The following COL25A1 variants were observed in gnomAD, a reference collection of about 807,000 sequenced individuals.
COL25A1 encodes collagen type XXV alpha 1 chain.
A neutral mutation model predicts 128.4 loss-of-function variants in COL25A1; 103 were observed. The observed-to-expected ratio is 0.80, with a 90% CI of 0.68 to 0.94. The LOEUF is 0.94. COL25A1 is among the 40% of genes least tolerant of loss of function. The pLI, the probability that COL25A1 is intolerant of heterozygous loss-of-function variation, is 0.00. For synonymous variants in COL25A1, 279 were observed against 277.2 expected, an observed-to-expected ratio of 1.01 and a Z score of -0.06; for missense variants, 745 against 840.0, an observed-to-expected ratio of 0.89 and a Z score of 1.40.
Position 109,301,980 on chromosome 4 carries a change from C to G in COL25A1, c.40G>C (p.Glu14Gln), listed in dbSNP as rs1725602180. The G allele has an allele frequency of 6.2e-7, 1 of 1,606,788 alleles. No homozygotes were observed. The highest frequency in any genetic ancestry group is 8.5e-7 in the Non-Finnish European group (1 of 1,176,974). Residue 14 changes from glutamate to glutamine, a missense_variant, in exon 2 of 38, where the codon GAG becomes CAG. Physicochemically the swap from Glu to Gln is conservative, Grantham distance 29. This residue lies in a region of COL25A1 where 319 missense variants were observed against 324.9 expected (regional missense o/e 0.98). Coordinates refer to ENST00000399132, the MANE Select transcript of COL25A1 (RefSeq NM_198721.4). ...GGGGTCGGGTCCTCGGATCTGGGCT[C>G]CCGGCCCCCTCCTTTCCCTGCGTGC... ...KKHAGKGGGR[E>Q]PRSEDPTPAE... is the part of the protein sequence containing the mutation.
At chr4:109,053,322 C>A (rs1405077084) in intron 3 of COL25A1, among the ~76,000 whole-genome samples, 2 of 152,156 alleles carry the variant, frequency 1.3e-5, no homozygotes, top group Non-Finnish European at 2.9e-5. Context: ...TGACTATAAA[C>A]CCAACTCCAG....
chr4:109,228,013 T>C (rs1778918130), intron 3 of COL25A1, among the ~76,000 whole-genome samples: 1 of 152,158 alleles, frequency 6.6e-6, no homozygotes, highest in East Asian at 1.9e-4. Context: ...GTATAAGTCC[T>C]GGAGTCCAAA....
At chr4:108,967,212 CAT>C (rs1751412585) in intron 8 of COL25A1, among the ~76,000 whole-genome samples, 1 of 152,136 alleles carries the variant, frequency 6.6e-6, no homozygotes, top group African/African-American at 2.4e-5. Flanking sequence ...GGTGTGACAT[CAT>C]AGAGTGATTG....
chr4:109,284,955 T>C (rs1318174228), intron 3 of COL25A1, among the ~76,000 whole-genome samples: 4 of 151,890 alleles, frequency 2.6e-5, no homozygotes, highest in Non-Finnish European at 5.9e-5. Flanking sequence ...GCCAATAGAA[T>C]TACGAGACCA....
At chr4:109,170,805 T>C (rs1194410034) in intron 3 of COL25A1, among the ~76,000 whole-genome samples, 1 of 152,130 alleles carries the variant, frequency 6.6e-6, no homozygotes, top group African/African-American at 2.4e-5. Flanking sequence ...GAATATATTC[T>C]CCCTCAATCC....
At chr4:109,174,866 C>T (rs1332024323) in intron 3 of COL25A1, among the ~76,000 whole-genome samples, 3 of 152,154 alleles carry the variant, frequency 2.0e-5, no homozygotes, top group East Asian at 1.9e-4. Flanking sequence ...AACTGGGCCT[C>T]GCAGCAGGAA....
At chr4:109,300,715 G>T in intron 2 of COL25A1, 63 bp from the exon 3 acceptor site, 2 of 1,149,978 alleles carry the variant, frequency 1.7e-6, no homozygotes, top group Non-Finnish European at 1.3e-6. Context: ...GAGTCTTTAG[G>T]GACTCTGGCC....
intron 3 of COL25A1, among the ~76,000 whole-genome samples, chr4:109,051,323 G>T (rs1306062879): frequency 6.6e-6 from 1 of 152,070 alleles, no homozygotes; most frequent in Non-Finnish European, 1.5e-5. Context: ...TTTCCTTCCA[G>T]TCCCTTACAC....
chr4:108,863,254 G>A, intron 21 of COL25A1, 65 bp downstream of exon 21: 5 of 1,506,208 alleles, frequency 3.3e-6, no homozygotes, highest in Non-Finnish European at 4.6e-6. Context: ...TGTTGTTTTA[G>A]TTTTTTGTGT....
At chr4:109,107,223 T>C (rs1439279952) in intron 3 of COL25A1, among the ~76,000 whole-genome samples, 1 of 152,186 alleles carries the variant, frequency 6.6e-6, no homozygotes, top group Non-Finnish European at 1.5e-5. Context: ...GAACACCTTT[T>C]TTTACCCTGT....
intron 6 of COL25A1, among the ~76,000 whole-genome samples, chr4:109,002,772 T>G (rs987405749): frequency 5.9e-5 from 9 of 152,198 alleles, no homozygotes; most frequent in Admixed American, 1.3e-4. Context: ...TACATTTTTT[T>G]TTTGTTTTAC....
chr4:109,149,850 C>T (rs115307044), intron 3 of COL25A1, among the ~76,000 whole-genome samples: 3,585 of 152,080 alleles, frequency 0.024, 125 homozygotes, highest in African/African-American at 0.074. Flanking sequence ...ATAATGTAGA[C>T]ATATATAAAT....
At chr4:109,142,230 T>C (rs1009299716) in intron 3 of COL25A1, among the ~76,000 whole-genome samples, 2 of 152,192 alleles carry the variant, frequency 1.3e-5, no homozygotes, top group African/African-American at 4.8e-5. Flanking sequence ...CATGTAGTTG[T>C]GCAGTTTTGA....
At chr4:109,279,348 G>A (rs1020464454) in intron 3 of COL25A1, among the ~76,000 whole-genome samples, 26 of 152,230 alleles carry the variant, frequency 1.7e-4, no homozygotes, top group African/African-American at 6.3e-4. Context: ...AGTGACTCAT[G>A]CCAGTAATCC....
rs577733947 is a variant in COL25A1 at position 109,167,384 on chromosome 4, C to T, written c.368-117205G>A. ...CTCTGTATTTTGGTCTCTAATTCCA[C>T]GTGTGTAATACAAAATGAAGAAATA... On this transcript the variant is annotated intron_variant, in intron 3 of 37. Coordinates refer to ENST00000399132, the MANE Select transcript of COL25A1 (RefSeq NM_198721.4). 3.9e-5 allele frequency among the ~76,000 whole-genome samples: 6 copies of T among 152,152 alleles called. No individual in the cohort carries two copies. In the South Asian group the frequency reaches 6.2e-4, roughly 16 times the overall value.
rs76973377 is a variant in COL25A1, at chr4:109,199,354, C to T, written c.367+101229G>A. Among the ~76,000 whole-genome samples, 1,638 of 152,026 alleles carry T rather than the reference C, an allele frequency of 0.011. 61 individuals carry two copies. The South Asian group carries it at 0.14, about 13-fold the overall frequency. ...AGAGACAGGATTTTGCCATGTTGCA[C>T]GAGTTGGTTTCGTACTCTGGGCTCA... On this transcript the variant is annotated intron_variant, in intron 3 of 37. Coordinates refer to ENST00000399132, the MANE Select transcript of COL25A1 (RefSeq NM_198721.4).
At chr4:108,950,419 G>A (rs1749273787) in intron 8 of COL25A1, among the ~76,000 whole-genome samples, 1 of 152,164 alleles carries the variant, frequency 6.6e-6, no homozygotes, top group African/African-American at 2.4e-5. Context: ...CACAGAAGTA[G>A]CAGAAAGATT....
At chr4:109,235,194 C>A (rs1379291815) in intron 3 of COL25A1, among the ~76,000 whole-genome samples, 1 of 151,892 alleles carries the variant, frequency 6.6e-6, no homozygotes. Context: ...AATACCTATC[C>A]CCAGAGTGTT....
intron 3 of COL25A1, among the ~76,000 whole-genome samples, chr4:109,055,539 C>T (rs369689456): frequency 3.5e-4 from 53 of 152,314 alleles, no homozygotes; most frequent in African/African-American, 1.2e-3. Context: ...AATTCACATT[C>T]CACAGACACA....
Sources: allele counts gnomAD v4.1 joint callset (sites outside exome capture counted in the v4.1 genomes callset), GRCh38; gene constraint gnomAD v4.1.1; regional missense constraint gnomAD v4.1.1; transcripts MANE v1.5; gene names NCBI Gene and HGNC (gene_info 2026-07-23, HGNC 2026-07-21).